MGAT4C: variants seen among roughly 807,000 people sequenced by gnomAD.
The protein encoded by MGAT4C is alpha-1,3-mannosyl-glycoprotein 4-beta-N-acetylglucosaminyltransferase C.
Under a neutral mutation model 40.1 loss-of-function variants are expected in MGAT4C, and 19 were observed. That is an observed-to-expected ratio of 0.47 (90% CI 0.33 to 0.70). The LOEUF (loss-of-function observed/expected upper bound fraction) is 0.70, where lower values mean the gene tolerates loss of function less well. Among genes scored for constraint, MGAT4C ranks in the 30% least tolerant of loss-of-function variants. The pLI is 0.02. For synonymous variants in MGAT4C, 181 were observed against 187.1 expected (o/e 0.97, Z 0.27); for missense variants, 491 against 563.2 (o/e 0.87, Z 1.30).
chr12:86,144,313 C>T (rs1883233488), intron 1 of MGAT4C, among the ~76,000 whole-genome samples: 1 of 151,856 alleles, frequency 6.6e-6, no homozygotes, highest in Non-Finnish European at 1.5e-5. Context: ...TTCTTTTTAC[C>T]AGGAAAGCTA....
intron 2 of MGAT4C, among the ~76,000 whole-genome samples, chr12:86,617,900 T>C (rs1291134529): frequency 6.6e-6 from 1 of 151,978 alleles, no homozygotes; most frequent in African/African-American, 2.4e-5. Flanking sequence ...AGAGAAAACG[T>C]GGTGAATGAA....
chr12:86,472,924 G>T (rs1957776643), intron 2 of MGAT4C, among the ~76,000 whole-genome samples: 1 of 152,166 alleles, frequency 6.6e-6, no homozygotes, highest in Admixed American at 6.6e-5. Context: ...AGAAAGAGAG[G>T]AAGGGAGGAA....
intron 1 of MGAT4C, among the ~76,000 whole-genome samples, chr12:86,222,210 A>G (rs1950908488): frequency 6.6e-6 from 1 of 152,202 alleles, no homozygotes. Context: ...AATAAAGGAA[A>G]GCTACAATAC....
At position 85,968,188 on chromosome 12, in the gene MGAT4C, TGATA is replaced by T. The variant is rs980045483; in HGVS notation, c.*11097_*11100del. 2.6e-5 allele frequency: 4 copies of T among 152,096 alleles called. No homozygotes were observed. Among genetic ancestry groups the T allele is most frequent in the African/African-American group, 9.6e-5 (4 of 41,456 alleles). 9.4% of individuals were successfully genotyped at this position (152,096 alleles called of 1,614,324 possible). On this transcript the variant is annotated 3_prime_UTR_variant, in exon 5 of 5. Transcript: ENST00000611864. Reference sequence around the variant, plus strand: ...TGAAAAAAAGTCCACTGTGGAAAACTGATAGTTTTTCTCCTTCTTTCTTGAATAT... The same window carrying T: ...TGAAAAAAAGTCCACTGTGGAAAACTGTTTTTCTCCTTCTTTCTTGAATAT...
intron 2 of MGAT4C, among the ~76,000 whole-genome samples, chr12:86,626,976 C>T (rs1308798769): frequency 6.6e-6 from 1 of 152,180 alleles, no homozygotes; most frequent in Non-Finnish European, 1.5e-5. Flanking sequence ...CAAGGGAAGC[C>T]GTGACAGGCT....
chr12:86,051,221 T>C (rs539190035), intron 1 of MGAT4C, among the ~76,000 whole-genome samples: 141 of 152,160 alleles, frequency 9.3e-4, no homozygotes, highest in African/African-American at 3.3e-3. Context: ...CCAGAACTCT[T>C]GTAATTGGTC....
At chr12:86,752,214 T>C (rs1951239529) in intron 1 of MGAT4C, among the ~76,000 whole-genome samples, 1 of 152,080 alleles carries the variant, frequency 6.6e-6, no homozygotes, top group Admixed American at 6.6e-5. Context: ...ATAAAGCTTA[T>C]ATTGTTGAGT....
At chr12:86,236,988 A>T (rs910441825) in intron 1 of MGAT4C, among the ~76,000 whole-genome samples, 2 of 150,486 alleles carry the variant, frequency 1.3e-5, no homozygotes, top group East Asian at 1.9e-4. Context: ...TTAATATATG[A>T]TATATAAATA....
intron 3 of MGAT4C, among the ~76,000 whole-genome samples, chr12:86,402,858 C>CT (rs1224488559): frequency 6.6e-6 from 1 of 152,122 alleles, no homozygotes; most frequent in African/African-American, 2.4e-5. Flanking sequence ...AAATTGCAAA[C>CT]TTTACTGAAG....
At chr12:86,538,207 G>A (rs1592964160) in intron 2 of MGAT4C, among the ~76,000 whole-genome samples, 1 of 152,340 alleles carries the variant, frequency 6.6e-6, no homozygotes, top group East Asian at 1.9e-4. Context: ...TATGATTAGG[G>A]AACTGGCCAA....
intron 2 of MGAT4C, among the ~76,000 whole-genome samples, chr12:86,031,692 G>A (rs1452893292): frequency 2.0e-5 from 3 of 151,774 alleles, no homozygotes; most frequent in Non-Finnish European, 4.4e-5. Flanking sequence ...TTTCAGATAA[G>A]TTTCTGGATT....
At chr12:86,029,129 T>C (rs1890508452) in intron 2 of MGAT4C, among the ~76,000 whole-genome samples, 1 of 151,968 alleles carries the variant, frequency 6.6e-6, no homozygotes, top group African/African-American at 2.4e-5. Flanking sequence ...CGATATTATA[T>C]ACATAACCAT....
rs377091786 is a variant in MGAT4C, at chr12:86,023,495, G to A, written c.-7+26179C>T. On this transcript the variant is annotated intron_variant, in intron 2 of 4. Transcript: ENST00000611864. The stretch of plus-strand genomic sequence containing the variant: ...TTTTTAAAGCCAAGTGGTGAAGCTA[G>A]ATTTTATATTAAGTACTATTTAAGA... Among the ~76,000 whole-genome samples, 14 of 151,044 alleles carry A rather than the reference G, an allele frequency of 9.3e-5. No individual in the cohort carries two copies. The South Asian group carries it at 2.9e-3, about 31-fold the overall frequency.
At chr12:86,833,339 C>T (rs1477733555) in intron 1 of MGAT4C, among the ~76,000 whole-genome samples, 1 of 151,768 alleles carries the variant, frequency 6.6e-6, no homozygotes, top group Non-Finnish European at 1.5e-5. Context: ...ATGTGGCCTA[C>T]AAAGTCAAAA....
intron 2 of MGAT4C, among the ~76,000 whole-genome samples, chr12:86,705,573 A>G (rs1438781446): frequency 6.6e-6 from 1 of 152,200 alleles, no homozygotes; most frequent in Non-Finnish European, 1.5e-5. Context: ...TAAAATTTTT[A>G]TAATTAATGT....
At chr12:86,688,721 T>C (rs563198800) in intron 2 of MGAT4C, among the ~76,000 whole-genome samples, 1 of 152,300 alleles carries the variant, frequency 6.6e-6, no homozygotes, top group South Asian at 2.1e-4. Context: ...TCTGCTGTTA[T>C]TCTAATGGGC....
chr12:86,555,069 C>T (rs1204100785), intron 2 of MGAT4C, among the ~76,000 whole-genome samples: 1 of 151,888 alleles, frequency 6.6e-6, no homozygotes, highest in African/African-American at 2.4e-5. Context: ...ATCTGACACT[C>T]CTGCCTCCTT....
intron 1 of MGAT4C, among the ~76,000 whole-genome samples, chr12:86,190,318 A>G (rs1889240444): frequency 6.6e-6 from 1 of 152,170 alleles, no homozygotes; most frequent in Non-Finnish European, 1.5e-5. Flanking sequence ...AATAATTATG[A>G]TCAAAAGTAA....
intron 1 of MGAT4C, among the ~76,000 whole-genome samples, chr12:86,758,645 T>C (rs1951348024): frequency 6.6e-6 from 1 of 152,090 alleles, no homozygotes; most frequent in African/African-American, 2.4e-5. Context: ...TTTCTGCATG[T>C]AAGTATATTC....
Sources: gnomAD v4.1 joint callset for allele counts (sites outside exome capture counted in the v4.1 genomes callset) on GRCh38, gnomAD v4.1.1 for gene constraint, MANE v1.5 for transcripts, NCBI Gene and HGNC (gene_info 2026-07-23, HGNC 2026-07-21) for gene names.